The following CPAMD8 variants were observed in gnomAD, a reference collection of about 807,000 sequenced individuals.
CPAMD8 encodes C3 and PZP-like alpha-2-macroglobulin domain-containing protein 8.
Under a neutral mutation model 224.7 loss-of-function variants are expected in CPAMD8, and 146 were observed. That is an observed-to-expected ratio of 0.65 (90% CI 0.57 to 0.75). The LOEUF (loss-of-function observed/expected upper bound fraction) is 0.75. Ranked by LOEUF, CPAMD8 falls within the 30% of genes least tolerant of loss-of-function variation. CPAMD8 has a pLI of 0.00. For missense variants in CPAMD8, 2,301 were observed against 2,537.5 expected (o/e 0.91, Z 2.00); for synonymous variants, 966 against 1,044.6 (o/e 0.92, Z 1.45).
chr19:16,908,485 C>T (rs1480856720), intron 29 of CPAMD8, among the ~76,000 whole-genome samples: 1 of 152,190 alleles, frequency 6.6e-6, no homozygotes, highest in African/African-American at 2.4e-5. Flanking sequence ...TCATGCCCTC[C>T]CTAGAATGTG....
intron 23 of CPAMD8, among the ~76,000 whole-genome samples, chr19:16,934,926 C>G (rs186762307): frequency 6.6e-6 from 1 of 152,176 alleles, no homozygotes; most frequent in African/African-American, 2.4e-5. Flanking sequence ...TCTTTTCATC[C>G]TGTAAAACTG....
chr19:16,896,550 G>A lies in CPAMD8; in HGVS notation c.5181C>T (p.Asp1727=). 1 of 1,502,214 alleles carries A rather than the reference G, an allele frequency of 6.7e-7. No homozygotes were observed. Among genetic ancestry groups the A allele is most frequent in the Admixed American group, 2.1e-5 (1 of 47,642 alleles). 93.1% of individuals were successfully genotyped at this position (1,502,214 alleles called of 1,614,324 possible). The change falls in exon 40 of 42, where the codon GAC becomes GAT. Residue 1727 remains aspartate, a synonymous_variant. Coordinates refer to ENST00000443236, the MANE Select transcript of CPAMD8 (RefSeq NM_015692.5). The part of the protein sequence containing the change: ...GAQGNPVCGS[D]GVVYASACRL... ...GGCAGGCGCTGGCGTAGACCACCCC[G>A]TCGGAGCCGCACACCGGGTTCCCCT...
At chr19:16,897,602 C>G (rs2144695695) in intron 39 of CPAMD8, 89 bp downstream of exon 39, 2 of 710,326 alleles carry the variant, frequency 2.8e-6, no homozygotes, top group East Asian at 3.0e-5. Context: ...CTCTGCCAAG[C>G]CCCCAGGGGA....
At position 17,000,393 on chromosome 19, in the gene CPAMD8, G is replaced by A. The variant is rs544131733; in HGVS notation, c.867+21C>T. 11 of 965,080 alleles carry A rather than the reference G, an allele frequency of 1.1e-5. No individual in the cohort carries two copies. In the East Asian group the frequency reaches 2.4e-4, roughly 21 times the overall value. 59.8% of individuals were successfully genotyped at this position (965,080 alleles called of 1,614,324 possible). Reference sequence around the variant, plus strand: ...AACCTGGGGGTTGGGTCAGGGGGTAGAAGGGGTCCCTGTTTCTCACCTTGG... The same window carrying A: ...AACCTGGGGGTTGGGTCAGGGGGTAAAAGGGGTCCCTGTTTCTCACCTTGG... On this transcript the variant is annotated intron_variant, in intron 10 of 41. Coordinates refer to ENST00000443236, the MANE Select transcript of CPAMD8 (RefSeq NM_015692.5).
At chr19:16,951,826 C>A in intron 20 of CPAMD8, 143 bp downstream of exon 20, 1 of 620,706 alleles carries the variant, frequency 1.6e-6, no homozygotes, top group Admixed American at 3.2e-5. Flanking sequence ...CCACCCATCC[C>A]TGCCTCCTCA....
At chr19:16,925,394 T>G in intron 25 of CPAMD8, 22 bp from the exon 26 acceptor site, 14 of 1,598,714 alleles carry the variant, frequency 8.8e-6, no homozygotes, top group Non-Finnish European at 1.2e-5. Flanking sequence ...GAGAAGAGAG[T>G]TGAGTTGGGG....
intron 14 of CPAMD8, among the ~76,000 whole-genome samples, chr19:16,980,023 C>T (rs957485081): frequency 1.3e-5 from 2 of 152,146 alleles, no homozygotes; most frequent in African/African-American, 4.8e-5. Context: ...GACGCCCCCA[C>T]TCTGGAGTGA....
At chr19:16,976,709 G>T (rs1267715954) in intron 15 of CPAMD8, among the ~76,000 whole-genome samples, 1 of 151,876 alleles carries the variant, frequency 6.6e-6, no homozygotes, top group African/African-American at 2.4e-5. Flanking sequence ...AGATGGGAAG[G>T]CAGGTGCTGG....
Position 16,898,851 on chromosome 19 carries a change from C to T in CPAMD8, c.4848+624G>A, listed in dbSNP as rs957595307. On this transcript the variant is annotated intron_variant, in intron 37 of 41. Coordinates refer to ENST00000443236, the MANE Select transcript of CPAMD8 (RefSeq NM_015692.5). The surrounding 1 kb of genome is among the most constrained non-coding windows in gnomAD (Gnocchi z 4.2). ...GCTTTTTCTACCAACTGCCATCAGC[C>T]GAGGGCACAGAGCTGTCAGCATGGC... Among the ~76,000 whole-genome samples the T allele has an allele frequency of 3.9e-5, 6 of 152,130 alleles. 1 individual carries two copies. Among genetic ancestry groups the T allele is most frequent in the Admixed American group, 3.3e-4 (5 of 15,264 alleles).
At chr19:16,930,609 A>G (rs1239073468) in intron 23 of CPAMD8, among the ~76,000 whole-genome samples, 7 of 152,108 alleles carry the variant, frequency 4.6e-5, no homozygotes, top group Non-Finnish European at 1.0e-4. Flanking sequence ...GGAAAGGGTG[A>G]GTGAACCCCC....
Position 17,004,305 on chromosome 19 carries a change from G to A in CPAMD8, c.641C>T (p.Ala214Val), listed in dbSNP as rs201300952. The change falls in exon 8 of 42, where the codon GCG (alanine) becomes GTG (valine). Residue 214 changes from alanine to valine, a missense_variant. This residue lies in a region of CPAMD8 where 283 missense variants were observed against 340.6 expected (regional missense o/e 0.83). Coordinates refer to ENST00000443236, the MANE Select transcript of CPAMD8 (RefSeq NM_015692.5). The stretch of plus-strand genomic sequence containing the variant: ...CTGAACTTCAAAAGACTTGTTGTAC[G>A]CGTGGCCTTGCATTTCAACAAAAAT... ...WFIFVEMQGH[A>V]YNKSFEVQKY... The A allele has an allele frequency of 1.5e-5, 24 of 1,610,810 alleles. No homozygotes were observed. Among genetic ancestry groups the A allele is most frequent in the African/African-American group, 2.7e-5 (2 of 74,842 alleles).
chr19:16,987,456 A>G (rs1439650991), intron 13 of CPAMD8, among the ~76,000 whole-genome samples: 1 of 151,696 alleles, frequency 6.6e-6, no homozygotes, highest in Non-Finnish European at 1.5e-5. Flanking sequence ...TTCCCACTTC[A>G]CGAACAGTCA....
chr19:16,940,351 G>A (rs911653219), intron 22 of CPAMD8, among the ~76,000 whole-genome samples: 7 of 152,166 alleles, frequency 4.6e-5, no homozygotes, highest in African/African-American at 2.4e-5. Context: ...TTCTATGTAT[G>A]TAGGGGGTGC....
intron 7 of CPAMD8, 36 bp downstream of exon 7, chr19:17,008,469 A>G (rs2123110889): frequency 6.2e-7 from 1 of 1,610,680 alleles, no homozygotes. Context: ...GGTTTATCAC[A>G]TCTGCAGCCC....
intron 41 of CPAMD8, chr19:16,894,861 C>A: frequency 4.2e-6 from 1 of 236,836 alleles, no homozygotes; most frequent in South Asian, 5.9e-5. Context: ...GCACAATGAT[C>A]ATGTCTATGA....
chr19:17,024,425 G>A (rs2057028754), intron 1 of CPAMD8, among the ~76,000 whole-genome samples: 1 of 152,224 alleles, frequency 6.6e-6, no homozygotes, highest in African/African-American at 2.4e-5. Flanking sequence ...CAGGTGTCCT[G>A]TCCAGCTCCA....
intron 13 of CPAMD8, among the ~76,000 whole-genome samples, chr19:16,984,060 C>T (rs1034275654): frequency 2.6e-5 from 4 of 152,024 alleles, no homozygotes; most frequent in Non-Finnish European, 5.9e-5. Context: ...CAGCTAAGGG[C>T]AACTGATTTG....
At chr19:16,933,266 G>T (rs1469055072) in intron 23 of CPAMD8, among the ~76,000 whole-genome samples, 1 of 151,814 alleles carries the variant, frequency 6.6e-6, no homozygotes, top group South Asian at 2.1e-4. Flanking sequence ...AAAAAACAGG[G>T]TTTAGCAAAG....
chr19:16,990,944 G>A (rs2122904039), intron 12 of CPAMD8, among the ~76,000 whole-genome samples: 1 of 151,108 alleles, frequency 6.6e-6, no homozygotes, highest in East Asian at 1.9e-4. Context: ...CTCTAAATAG[G>A]GTATAAACGG....
Sources: allele counts gnomAD v4.1 joint callset (sites outside exome capture counted in the v4.1 genomes callset), GRCh38; gene constraint gnomAD v4.1.1; regional missense constraint gnomAD v4.1.1; non-coding constraint Gnocchi (gnomAD v3.1); transcripts MANE v1.5; gene names NCBI Gene and HGNC (gene_info 2026-07-23, HGNC 2026-07-21).